Variants in ZDHHC13 observed in about 807,000 individuals in gnomAD.
The protein encoded by ZDHHC13 is palmitoyltransferase ZDHHC13.
Under a neutral mutation model 86.0 loss-of-function variants are expected in ZDHHC13, and 85 were observed. The observed-to-expected ratio is 0.99, with a 90% CI of 0.83 to 1.18. The LOEUF is 1.18. ZDHHC13 is among the 50% of genes most tolerant of loss of function. The pLI, the probability that ZDHHC13 is intolerant of heterozygous loss-of-function variation, is 0.00. For missense variants in ZDHHC13, 711 were observed against 730.2 expected (o/e 0.97, Z 0.30); for synonymous variants, 263 against 246.4 (o/e 1.07, Z -0.63).
rs1033279843 is a variant in ZDHHC13, at chr11:19,165,072, A to G, written c.1317A>G (p.Ser439=). ...CTTAGATAAGGAAGCCATTAAGGTC[A>G]CTCCACTGCCATGTATGCAACTGCT... The part of the protein sequence containing the change: ...TSCLIRKPLR[S]LHCHVCNCCV... The change falls in exon 13 of 17, where the codon TCA becomes TCG. Residue 439 remains serine, a synonymous_variant. Coordinates refer to ENST00000446113, the MANE Select transcript of ZDHHC13 (RefSeq NM_019028.3). 1 of 1,612,598 alleles carries G rather than the reference A, an allele frequency of 6.2e-7. No homozygotes were observed. The highest frequency in any genetic ancestry group is 1.3e-5 in the African/African-American group (1 of 74,848).
At chr11:19,133,044 A>G (rs144035339) in intron 1 of ZDHHC13, among the ~76,000 whole-genome samples, 173 of 152,338 alleles carry the variant, frequency 1.1e-3, no homozygotes, top group Non-Finnish European at 2.1e-3. Context: ...ACAAAAATGG[A>G]CAAATTGCTT....
In ZDHHC13 at chr11:19,156,890, T is replaced by C. The variant is rs78066899; in HGVS notation, c.1007+961T>C. Among the ~76,000 whole-genome samples, 1,045 of 152,304 alleles carry C rather than the reference T, an allele frequency of 6.9e-3. 9 individuals are homozygous for C. The highest frequency in any genetic ancestry group is 0.024 in the African/African-American group (986 of 41,568). On this transcript the variant is annotated intron_variant, in intron 9 of 16. Coordinates refer to ENST00000446113, the MANE Select transcript of ZDHHC13 (RefSeq NM_019028.3). ...TTCTTTTCTCCCTGCTTAAAGTGCT[T>C]TAGTAACTTTTTCTTGTACTCAGAA...
At chr11:19,129,022 T>C (rs1160094506) in intron 1 of ZDHHC13, among the ~76,000 whole-genome samples, 3 of 152,224 alleles carry the variant, frequency 2.0e-5, no homozygotes, top group African/African-American at 7.2e-5. Flanking sequence ...TTTCTCAGAA[T>C]ATATCCTCAT....
chr11:19,174,877 A>G (rs753133086), intron 16 of ZDHHC13, among the ~76,000 whole-genome samples: 17 of 152,216 alleles, frequency 1.1e-4, no homozygotes, highest in Non-Finnish European at 2.4e-4. Flanking sequence ...AAAGATGCAC[A>G]GAGGAGCTAG....
intron 1 of ZDHHC13, among the ~76,000 whole-genome samples, chr11:19,120,238 T>G (rs1396426528): frequency 1.3e-5 from 2 of 152,220 alleles, no homozygotes; most frequent in East Asian, 3.8e-4. Flanking sequence ...TTGGAGAGAC[T>G]GCAGCAGGGT....
At chr11:19,157,271 C>T (rs1849782398) in intron 9 of ZDHHC13, among the ~76,000 whole-genome samples, 2 of 152,108 alleles carry the variant, frequency 1.3e-5, no homozygotes, top group Admixed American at 6.5e-5. Flanking sequence ...TTTTCATTCA[C>T]TGAATGAAAG....
In ZDHHC13 at chr11:19,117,690, A is replaced by C. The variant is rs1266593751; in HGVS notation, c.27+414A>C. ...GAGCGGTTCTGTTGATTTCTTTTTC[A>C]GCCCTGGCGTCTTAGCACCCGCCTT... On this transcript the variant is annotated intron_variant, in intron 1 of 16. Coordinates refer to ENST00000446113, the MANE Select transcript of ZDHHC13 (RefSeq NM_019028.3). This position sits in a 1 kb window ranked among gnomAD's most constrained non-coding sequence, Gnocchi z 4.2. The C allele has an allele frequency of 5.3e-6, 1 of 187,062 alleles. No individual in the cohort carries two copies. The highest frequency in any genetic ancestry group is 1.1e-5 in the Non-Finnish European group (1 of 91,436). The allele number at this position is 187,062 out of a possible 1,614,324, so 11.6% of individuals were successfully genotyped here. A position where few individuals can be genotyped will look rare whatever the true frequency, so the allele number is the denominator to read the frequency against.
chr11:19,164,639 C>T (rs1009322614), intron 12 of ZDHHC13: 5 of 456,778 alleles, frequency 1.1e-5, no homozygotes, highest in South Asian at 3.1e-5. Context: ...TTAGAACTAA[C>T]GTCAAATCAG....
intron 1 of ZDHHC13, among the ~76,000 whole-genome samples, chr11:19,118,419 C>T (rs549457939): frequency 6.6e-6 from 1 of 152,316 alleles, no homozygotes; most frequent in South Asian, 2.1e-4. Context: ...AAAAATAGTT[C>T]TCAGGCAGAC....
intron 16 of ZDHHC13, among the ~76,000 whole-genome samples, chr11:19,174,511 A>T (rs891590285): frequency 7.2e-5 from 11 of 152,230 alleles, no homozygotes; most frequent in Admixed American, 5.2e-4. Flanking sequence ...CCCCATGCAG[A>T]ACACAATCTT....
At chr11:19,120,645 T>C (rs1848742199) in intron 1 of ZDHHC13, among the ~76,000 whole-genome samples, 1 of 152,248 alleles carries the variant, frequency 6.6e-6, no homozygotes, top group Non-Finnish European at 1.5e-5. Context: ...TGTATTCATA[T>C]GTCTGTTAGA....
intron 10 of ZDHHC13, among the ~76,000 whole-genome samples, chr11:19,159,360 T>C (rs1157412301): frequency 4.6e-5 from 7 of 152,176 alleles, no homozygotes; most frequent in Non-Finnish European, 1.0e-4. Flanking sequence ...TTCTCATAAT[T>C]TGGTCAGCAG....
At chr11:19,126,487 C>A (rs1258665931) in intron 1 of ZDHHC13, among the ~76,000 whole-genome samples, 1 of 149,782 alleles carries the variant, frequency 6.7e-6, no homozygotes, top group Non-Finnish European at 1.5e-5. Flanking sequence ...TAGGCACATA[C>A]CACCACCCTG....
Position 19,117,410 on chromosome 11 carries a change from G to A in ZDHHC13, c.27+134G>A. Reference sequence around the variant, plus strand: ...GGCGGGGCCTAGGTCTGGGAAGCGGGAGCCTGGAAACACCACGAACGATGC... The same window carrying A: ...GGCGGGGCCTAGGTCTGGGAAGCGGAAGCCTGGAAACACCACGAACGATGC... On this transcript the variant is annotated intron_variant, in intron 1 of 16. Transcript: ENST00000446113. The surrounding 1 kb of genome is among the most constrained non-coding windows in gnomAD (Gnocchi z 4.2). The A allele has an allele frequency of 1.1e-6, 1 of 937,712 alleles. No homozygotes were observed. Among genetic ancestry groups the A allele is most frequent in the Non-Finnish European group, 1.5e-6 (1 of 671,350 alleles). The allele number at this position is 937,712 out of a possible 1,614,324, so 58.1% of individuals were successfully genotyped here.
intron 1 of ZDHHC13, among the ~76,000 whole-genome samples, chr11:19,133,108 T>TAC (rs1244532607): frequency 6.6e-6 from 1 of 152,112 alleles, no homozygotes; most frequent in Non-Finnish European, 1.5e-5. Context: ...CATGAAGAAA[T>TAC]ACACAACTTG....
intron 10 of ZDHHC13, 57 bp downstream of exon 10, chr11:19,159,097 G>A: frequency 2.4e-6 from 3 of 1,268,102 alleles, no homozygotes; most frequent in Non-Finnish European, 3.3e-6. Flanking sequence ...AAAGAGTAAT[G>A]TTATTGTTAG....
chr11:19,165,784 A>G (rs1850049400), intron 13 of ZDHHC13, among the ~76,000 whole-genome samples: 1 of 152,188 alleles, frequency 6.6e-6, no homozygotes, highest in African/African-American at 2.4e-5. Flanking sequence ...GTGCTTTTAC[A>G]AACATGTTAC....
chr11:19,119,463 G>A (rs1365257916), intron 1 of ZDHHC13, among the ~76,000 whole-genome samples: 2 of 152,182 alleles, frequency 1.3e-5, no homozygotes, highest in Admixed American at 6.5e-5. Flanking sequence ...CAGCCTCAGA[G>A]TCTTTCATAC....
At chr11:19,149,587 C>G (rs1215144447) in intron 5 of ZDHHC13, among the ~76,000 whole-genome samples, 1 of 152,134 alleles carries the variant, frequency 6.6e-6, no homozygotes, top group African/African-American at 2.4e-5. Flanking sequence ...TTCTTATGAA[C>G]CCAGTAATTT....
Sources: allele counts gnomAD v4.1 joint callset (sites outside exome capture counted in the v4.1 genomes callset), GRCh38; gene constraint gnomAD v4.1.1; non-coding constraint Gnocchi (gnomAD v3.1); transcripts MANE v1.5; gene names NCBI Gene and HGNC (gene_info 2026-07-23, HGNC 2026-07-21).